The following FNBP4 variants were observed in gnomAD, a reference collection of about 807,000 sequenced individuals.
FNBP4 encodes the protein formin binding protein 4, also known as formin-binding protein 4.
Under a neutral mutation model 119.3 loss-of-function variants are expected in FNBP4, and 34 were observed. That is an observed-to-expected ratio of 0.28 (90% CI 0.22 to 0.38). FNBP4 has a LOEUF of 0.38. FNBP4 is among the 10% of genes least tolerant of loss of function. The pLI is 1.00. For missense variants in FNBP4, 1,112 were observed against 1,228.9 expected (o/e 0.90, Z 1.42); for synonymous variants, 462 against 430.6 (o/e 1.07, Z -0.90).
chr11:47,750,819 A>G lies in FNBP4; in HGVS notation c.906+97T>C, dbSNP rs530672720. ...ATGAAACTTATCCTATTTCACATGT[A>G]TGACATAAAATATTAAGAGAAGGCT... is the stretch of plus-strand genomic sequence containing the variant. On this transcript the variant is annotated intron_variant, in intron 6 of 16. Transcript: ENST00000263773. 16 of 1,273,344 alleles carry G rather than the reference A, an allele frequency of 1.3e-5. No homozygotes were observed. The East Asian group carries it at 1.9e-4, about 15-fold the overall frequency. 78.9% of individuals were successfully genotyped at this position (1,273,344 alleles called of 1,614,324 possible). A position where few individuals can be genotyped will look rare whatever the true frequency, so the allele number is the denominator to read the frequency against.
chr11:47,723,480 A>G (rs1599159649), intron 14 of FNBP4, among the ~76,000 whole-genome samples, 164 bp from the exon 15 acceptor site: 1 of 152,238 alleles, frequency 6.6e-6, no homozygotes, highest in East Asian at 1.9e-4. Context: ...TTAATTTTGA[A>G]TACCTTGGCA....
chr11:47,761,242 A>C (rs558504689), intron 2 of FNBP4, among the ~76,000 whole-genome samples: 1 of 152,226 alleles, frequency 6.6e-6, no homozygotes, highest in Admixed American at 6.5e-5. Context: ...ACAGGAATGA[A>C]GTTAGAGTAA....
At chr11:47,758,376 T>A (rs2097624637) in intron 2 of FNBP4, among the ~76,000 whole-genome samples, 1 of 152,114 alleles carries the variant, frequency 6.6e-6, no homozygotes, top group African/African-American at 2.4e-5. Flanking sequence ...ACACTTGGCA[T>A]TTTTTAAGCA....
rs374887536 is a variant in FNBP4 at position 47,740,783 on chromosome 11, G to A, written c.1456+3170C>T. On this transcript the variant is annotated intron_variant, in intron 8 of 16. Coordinates refer to ENST00000263773, the MANE Select transcript of FNBP4 (RefSeq NM_015308.5). Reference sequence around the variant, plus strand: ...AATTTTGTATTTTTAGTAGAGACGGGGTTTCACCATGTTGGCCAAGATGGT... The same window carrying A: ...AATTTTGTATTTTTAGTAGAGACGGAGTTTCACCATGTTGGCCAAGATGGT... Among the ~76,000 whole-genome samples, 89 of 151,630 alleles carry A rather than the reference G, an allele frequency of 5.9e-4. 4 individuals carry two copies. Among genetic ancestry groups the A allele is most frequent in the African/African-American group, 2.1e-3 (88 of 41,048 alleles).
At chr11:47,756,972 C>T (rs2097620337) in intron 2 of FNBP4, among the ~76,000 whole-genome samples, 1 of 152,144 alleles carries the variant, frequency 6.6e-6, no homozygotes, top group South Asian at 2.1e-4. Flanking sequence ...GGTTCCAAGT[C>T]TTTGCTATTG....
At chr11:47,744,886 A>G (rs1240541306) in intron 7 of FNBP4, among the ~76,000 whole-genome samples, 2 of 152,066 alleles carry the variant, frequency 1.3e-5, no homozygotes, top group East Asian at 3.9e-4. Context: ...AAGTCTCTTT[A>G]TTGATTATCA....
intron 8 of FNBP4, among the ~76,000 whole-genome samples, chr11:47,740,468 TATTGAGTCTTCCC>T (rs1426816847): frequency 2.6e-5 from 4 of 151,524 alleles, no homozygotes; most frequent in African/African-American, 9.8e-5. Context: ...AACATGTTAA[TATTGAGTCTTCCC>T]AGGTTTCTCT....
intron 8 of FNBP4, among the ~76,000 whole-genome samples, chr11:47,739,691 G>A (rs141469318): frequency 9.7e-4 from 147 of 152,294 alleles, no homozygotes; most frequent in Admixed American, 1.7e-3. Flanking sequence ...TTGGGGGAGC[G>A]AGGCAGGAGC....
rs140519289 is a variant in FNBP4, at chr11:47,741,026, C to T, written c.1456+2927G>A. Reference sequence around the variant, plus strand: ...ACCTCAGTCTCCCAAGTAGCCGCCACGCCCAGCCTATTTTGCAGTTTTGGT... The same window carrying T: ...ACCTCAGTCTCCCAAGTAGCCGCCATGCCCAGCCTATTTTGCAGTTTTGGT... On this transcript the variant is annotated intron_variant, in intron 8 of 16. Coordinates refer to ENST00000263773, the MANE Select transcript of FNBP4 (RefSeq NM_015308.5). Among the ~76,000 whole-genome samples, 25 of 150,708 alleles carry T rather than the reference C, an allele frequency of 1.7e-4. 3 individuals are homozygous for T. The highest frequency in any genetic ancestry group is 6.2e-4 in the African/African-American group (25 of 40,584).
chr11:47,758,920 A>ATTT (rs576200543), intron 2 of FNBP4, among the ~76,000 whole-genome samples: 1 of 141,150 alleles, frequency 7.1e-6, no homozygotes. Context: ...AGTGTCTCTA[A>ATTT]TTTTTTTTTT....
chr11:47,746,166 T>C lies in FNBP4; in HGVS notation c.1135A>G (p.Ile379Val). ...AGATCCTCCTGAGAAGGGTCTTCTA[T>C]ATTGTCCAACATAATTTCCTGTGGC... ...VKPQEIMLDN[I>V]EDPSQEDLCS... The change falls in exon 7 of 17, where the codon ATA becomes GTA. Residue 379 changes from isoleucine (I) to valine (V), a missense_variant. By Grantham distance (29) the Ile-to-Val change is conservative (BLOSUM62 3). Coordinates refer to ENST00000263773, the MANE Select transcript of FNBP4 (RefSeq NM_015308.5). 6.2e-7 allele frequency: 1 copy of C among 1,614,220 alleles called. No individual in the cohort carries two copies. The highest frequency in any genetic ancestry group is 8.5e-7 in the Non-Finnish European group (1 of 1,180,038).
chr11:47,721,907 CAAATGATTAAAAAA>C (rs1387943624), intron 15 of FNBP4, among the ~76,000 whole-genome samples: 27 of 121,644 alleles, frequency 2.2e-4, no homozygotes, highest in African/African-American at 8.5e-4. Context: ...GCATTCCTAT[CAAATGATTAAAAAA>C]AAAAAAAAAG....
rs1191062106 is a variant in FNBP4, at chr11:47,767,299, A to G, written c.-11T>C. 40 of 1,493,348 alleles carry G rather than the reference A, an allele frequency of 2.7e-5. No homozygotes were observed. The highest frequency in any genetic ancestry group is 3.5e-5 in the Non-Finnish European group (39 of 1,128,052). The allele number at this position is 1,493,348 out of a possible 1,614,324, so 92.5% of individuals were successfully genotyped here. On this transcript the variant is annotated 5_prime_UTR_variant, in exon 1 of 17. Coordinates refer to ENST00000263773, the MANE Select transcript of FNBP4 (RefSeq NM_015308.5). The stretch of plus-strand genomic sequence containing the variant: ...GGACTTCTTCCCCATCGCGAGCCCA[A>G]GCGCGAGCAGAGAGCGTCGGGCGGC...
In FNBP4 at chr11:47,746,045, CA is replaced by C; in HGVS notation, c.1245+10del. 6.3e-7 allele frequency: 1 copy of C among 1,582,994 alleles called. No individual in the cohort carries two copies. The highest frequency in any genetic ancestry group is 2.2e-5 in the East Asian group (1 of 44,734). ...GAAAAAACATTCTACAAGTAACTTT[CA>C]AAAGCTTACTTTTTTCCTTTCCAAA... On this transcript the variant is annotated intron_variant, in intron 7 of 16. Transcript: ENST00000263773.
At chr11:47,757,833 A>ATG (rs1565163522) in intron 2 of FNBP4, among the ~76,000 whole-genome samples, 1 of 151,886 alleles carries the variant, frequency 6.6e-6, no homozygotes, top group Non-Finnish European at 1.5e-5. Context: ...GTTTATGTAT[A>ATG]TATGTAAGAG....
chr11:47,724,421 T>C (rs1037839005), intron 13 of FNBP4, 47 bp downstream of exon 13: 4 of 1,613,244 alleles, frequency 2.5e-6, no homozygotes, highest in Middle Eastern at 1.6e-4. Flanking sequence ...GTGTCAATCA[T>C]GTTCCAGTCC....
At position 47,767,240 on chromosome 11, in the gene FNBP4, G is replaced by A. The variant is rs778915717; in HGVS notation, c.49C>T (p.Leu17Phe). 2.5e-6 allele frequency: 4 copies of A among 1,569,590 alleles called. No individual in the cohort carries two copies. The highest frequency in any genetic ancestry group is 4.7e-5 in the East Asian group (2 of 42,558). Residue 17 changes from leucine (L) to phenylalanine (F), a missense_variant, in exon 1 of 17, where the codon CTC (leucine) becomes TTC (phenylalanine). Transcript: ENST00000263773. ...CTGCCCCGAGGACCCGGCGGAGAGA[G>A]TTGCAGGATGGGCCTACGGCCGGGT... ...AVPGRRPILQ[L>F]SPPGPRGSTP...
At chr11:47,737,030 CG>C (rs1413423463) in intron 8 of FNBP4, among the ~76,000 whole-genome samples, 1 of 151,966 alleles carries the variant, frequency 6.6e-6, no homozygotes, top group African/African-American at 2.4e-5. Context: ...ACAGTAGAAC[CG>C]TCTCTACTAA....
At chr11:47,757,003 A>G (rs112670535) in intron 2 of FNBP4, among the ~76,000 whole-genome samples, 2 of 152,316 alleles carry the variant, frequency 1.3e-5, no homozygotes, top group South Asian at 2.1e-4. Flanking sequence ...TGCAGTAAAC[A>G]TAACGTGTGC....
Sources: gnomAD v4.1 joint callset for allele counts (sites outside exome capture counted in the v4.1 genomes callset) on GRCh38, gnomAD v4.1.1 for gene constraint, MANE v1.5 for transcripts, NCBI Gene and HGNC (gene_info 2026-07-23, HGNC 2026-07-21) for gene names.